The following DNAI3 variants were observed in gnomAD, a reference collection of about 807,000 sequenced individuals.
DNAI3 encodes dynein axonemal intermediate chain 3, also known as WD repeat domain 63.
DNAI3 carries 83 observed loss-of-function variants against 115.5 expected under a neutral mutation model. The observed-to-expected ratio is 0.72, with a 90% CI of 0.60 to 0.86. The LOEUF (loss-of-function observed/expected upper bound fraction) is 0.86. Among genes scored for constraint, DNAI3 ranks in the 40% least tolerant of loss-of-function variants. The pLI, the probability that DNAI3 is intolerant of heterozygous loss-of-function variation, is 0.00. For missense variants in DNAI3, 1,004 were observed against 1,075.8 expected (o/e 0.93, Z 0.93); for synonymous variants, 320 against 347.0 (o/e 0.92, Z 0.86).
intron 5 of DNAI3, among the ~76,000 whole-genome samples, chr1:85,083,007 G>A (rs1215010922): frequency 6.6e-6 from 1 of 152,118 alleles, no homozygotes; most frequent in African/African-American, 2.4e-5. Context: ...ATTCATATAG[G>A]TAAAGCCCTT....
intron 3 of DNAI3, among the ~76,000 whole-genome samples, chr1:85,073,584 A>T (rs1212193053): frequency 6.6e-6 from 1 of 152,096 alleles, no homozygotes; most frequent in Non-Finnish European, 1.5e-5. Context: ...TGGAGGGGGA[A>T]CCTCTCCCTT....
At chr1:85,067,645 A>C (rs1409833284) in intron 1 of DNAI3, among the ~76,000 whole-genome samples, 1 of 152,242 alleles carries the variant, frequency 6.6e-6, no homozygotes, top group Non-Finnish European at 1.5e-5. Context: ...GGAACTTAAC[A>C]TAGGGAGATT....
At position 85,062,369 on chromosome 1, in the gene DNAI3, G is replaced by A. The variant is rs903845302; in HGVS notation, c.-132G>A. The A allele has an allele frequency of 6.6e-5, 10 of 152,316 alleles. No homozygotes were observed. The South Asian group carries it at 2.1e-3, about 32-fold the overall frequency. The allele number at this position is 152,316 out of a possible 1,614,324, so 9.4% of individuals were successfully genotyped here. On this transcript the variant is annotated 5_prime_UTR_variant, in exon 1 of 23. Coordinates refer to ENST00000294664, the MANE Select transcript of DNAI3 (RefSeq NM_145172.5). Reference sequence around the variant, plus strand: ...AGTCGGCAGAGTTGCTGCGGTTTGTGCCCTTGCGATTTCTTTTTCTGAGAG... The same window carrying A: ...AGTCGGCAGAGTTGCTGCGGTTTGTACCCTTGCGATTTCTTTTTCTGAGAG...
chr1:85,109,654 C>T (rs532570594), intron 15 of DNAI3, among the ~76,000 whole-genome samples: 4 of 152,292 alleles, frequency 2.6e-5, no homozygotes, highest in Admixed American at 1.3e-4. Flanking sequence ...GGTGGCCAAG[C>T]AGATGCAAGG....
chr1:85,095,075 C>T (rs182101672), intron 10 of DNAI3, among the ~76,000 whole-genome samples: 23 of 152,118 alleles, frequency 1.5e-4, no homozygotes, highest in Admixed American at 1.4e-3. Flanking sequence ...TTTTAAATAG[C>T]TCAACTAAAA....
chr1:85,087,454 A>G (rs947481999), intron 7 of DNAI3, among the ~76,000 whole-genome samples: 2 of 150,594 alleles, frequency 1.3e-5, no homozygotes, highest in East Asian at 1.9e-4. Context: ...AAAAAAAAAA[A>G]AAAAAGAAAG....
intron 3 of DNAI3, among the ~76,000 whole-genome samples, chr1:85,075,558 G>A (rs1175180556): frequency 6.6e-6 from 1 of 151,980 alleles, no homozygotes; most frequent in African/African-American, 2.4e-5. Context: ...CTCATGGTGG[G>A]CCCTGACCTT....
At position 85,098,575 on chromosome 1, in the gene DNAI3, A is replaced by G. The variant is rs1655196759; in HGVS notation, c.1396A>G (p.Ile466Val). 1.2e-6 allele frequency: 2 copies of G among 1,613,568 alleles called. No individual in the cohort carries two copies. Among genetic ancestry groups the G allele is most frequent in the Non-Finnish European group, 1.7e-6 (2 of 1,179,700 alleles). The change falls in exon 13 of 23, where the codon ATC becomes GTC. Residue 466 changes from isoleucine (I) to valine (V), a missense_variant. Physicochemically the swap from Ile to Val is conservative, Grantham distance 29. This residue lies in a region of DNAI3 where 550 missense variants were observed against 568.1 expected (regional missense o/e 0.97). Coordinates refer to ENST00000294664, the MANE Select transcript of DNAI3 (RefSeq NM_145172.5). ...EPESNKEAMY[I>V]RHCAVSSIEN... The stretch of plus-strand genomic sequence containing the variant: ...GGAGAGTAATAAAGAAGCAATGTAT[A>G]TCAGACACTGTGCAGTCTCTTCAAT...
chr1:85,105,542 G>GA (rs55764670), intron 14 of DNAI3, among the ~76,000 whole-genome samples: 1 of 99,246 alleles, frequency 1.0e-5, no homozygotes. Flanking sequence ...AAAAAAAAAA[G>GA]AAAAAGAAAA....
Position 85,117,709 on chromosome 1 carries a change from T to A in DNAI3, c.1787-20T>A, listed in dbSNP as rs1438960246. ...TTTCCCTGTAAATATGTACTTCTTCTACCCACACTCCTCTGAAAGACAAAA... is the reference window on the plus strand; with the variant it reads ...TTTCCCTGTAAATATGTACTTCTTCAACCCACACTCCTCTGAAAGACAAAA... On this transcript the variant is annotated intron_variant, in intron 16 of 22. Coordinates refer to ENST00000294664, the MANE Select transcript of DNAI3 (RefSeq NM_145172.5). The A allele has an allele frequency of 6.2e-7, 1 of 1,609,424 alleles. No homozygotes were observed. Among genetic ancestry groups the A allele is most frequent in the Admixed American group, 1.7e-5 (1 of 59,832 alleles).
chr1:85,110,398 C>G (rs935342907), intron 16 of DNAI3, among the ~76,000 whole-genome samples: 2 of 151,374 alleles, frequency 1.3e-5, no homozygotes, highest in African/African-American at 4.9e-5. Context: ...TTGCAGTGAG[C>G]CGAGATCGTG....
chr1:85,097,802 CT>C (rs1655168553), intron 12 of DNAI3, 147 bp downstream of exon 12: 5 of 717,378 alleles, frequency 7.0e-6, no homozygotes, highest in Non-Finnish European at 1.1e-5. Flanking sequence ...TTCACCTGTG[CT>C]TGTGAACATG....
chr1:85,081,198 A>T, intron 3 of DNAI3, 36 bp from the exon 4 acceptor site: 1 of 1,507,072 alleles, frequency 6.6e-7, no homozygotes. Context: ...TTAAGTGGTC[A>T]TATTTAATGT....
At chr1:85,062,650 C>T (rs959785886) in intron 1 of DNAI3, among the ~76,000 whole-genome samples, 164 bp downstream of exon 1, 49 of 152,276 alleles carry the variant, frequency 3.2e-4, no homozygotes, top group African/African-American at 1.0e-3. Context: ...CTTCCAGCCT[C>T]GTGAGGGAAA....
intron 13 of DNAI3, among the ~76,000 whole-genome samples, chr1:85,102,323 C>T (rs1269287988): frequency 6.6e-6 from 1 of 151,642 alleles, no homozygotes; most frequent in Non-Finnish European, 1.5e-5. Context: ...CATATACCCC[C>T]CAAATATGTC....
chr1:85,126,812 TTTTG>T (rs1656157092), intron 20 of DNAI3, 97 bp downstream of exon 20: 1 of 1,416,450 alleles, frequency 7.1e-7, no homozygotes, highest in Middle Eastern at 2.0e-4. Flanking sequence ...TTTCTTAGTT[TTTTG>T]TTTTTCTTCC....
chr1:85,099,816 C>T (rs572016533), intron 13 of DNAI3, among the ~76,000 whole-genome samples: 6 of 152,214 alleles, frequency 3.9e-5, no homozygotes, highest in Non-Finnish European at 5.9e-5. Context: ...GAAATAATGC[C>T]GCATATCTAC....
chr1:85,070,317 A>G, intron 1 of DNAI3, among the ~76,000 whole-genome samples: 1 of 152,216 alleles, frequency 6.6e-6, no homozygotes, highest in East Asian at 1.9e-4. Flanking sequence ...CAATGATTTA[A>G]AATAGTTTCA....
In DNAI3 at chr1:85,111,962, C is replaced by T. The variant is rs183448588; in HGVS notation, c.1786+1827C>T. 8.1e-4 allele frequency among the ~76,000 whole-genome samples: 123 copies of T among 152,262 alleles called. 1 individual carries two copies. The highest frequency in any genetic ancestry group is 1.5e-3 in the Non-Finnish European group (99 of 68,020). On this transcript the variant is annotated intron_variant, in intron 16 of 22. Coordinates refer to ENST00000294664, the MANE Select transcript of DNAI3 (RefSeq NM_145172.5). ...CCTTTGGGACACTTCCCTCCAGCAC[C>T]TCCCTCACTCCCAGGCCACAACGGA...
Sources: allele counts gnomAD v4.1 joint callset (sites outside exome capture counted in the v4.1 genomes callset), GRCh38; gene constraint gnomAD v4.1.1; regional missense constraint gnomAD v4.1.1; transcripts MANE v1.5; gene names NCBI Gene and HGNC (gene_info 2026-07-23, HGNC 2026-07-21).